The following LAMC1 variants were observed in gnomAD, a reference collection of about 807,000 sequenced individuals.
LAMC1 encodes the protein laminin subunit gamma-1.
LAMC1 carries 38 observed loss-of-function variants against 173.6 expected under a neutral mutation model. The observed-to-expected ratio is 0.22, with a 90% CI of 0.17 to 0.29. LAMC1 has a LOEUF of 0.29. LAMC1 is among the 10% of genes least tolerant of loss of function. LAMC1 has a pLI of 1.00. For synonymous variants in LAMC1, 746 were observed against 749.1 expected, an observed-to-expected ratio of 1.00 and a Z score of 0.07; for missense variants, 1,824 against 2,051.8, an observed-to-expected ratio of 0.89 and a Z score of 2.14.
At position 183,122,137 on chromosome 1, in the gene LAMC1, A is replaced by G. The variant is rs1206416801; in HGVS notation, c.2287A>G (p.Thr763Ala). The change falls in exon 13 of 28, where the codon ACT (threonine) becomes GCT (alanine). Residue 763 changes from threonine (T) to alanine (A), a missense_variant. By Grantham distance (58) the Thr-to-Ala change is moderately conservative. Coordinates refer to ENST00000258341, the MANE Select transcript of LAMC1 (RefSeq NM_002293.4). ...CAGTGATGGGTACTATGGAGATTCA[A>G]CTGCAGGCACCTCCTCCGATTGCCA... ...KCSDGYYGDS[T>A]AGTSSDCQPC... The G allele has an allele frequency of 6.2e-7, 1 of 1,614,068 alleles. No individual in the cohort carries two copies. The highest frequency in any genetic ancestry group is 8.5e-7 in the Non-Finnish European group (1 of 1,180,038).
intron 1 of LAMC1, among the ~76,000 whole-genome samples, chr1:183,052,902 C>G (rs1018478230): frequency 6.6e-6 from 1 of 152,102 alleles, no homozygotes; most frequent in East Asian, 1.9e-4. Flanking sequence ...CTAATGTTCT[C>G]TAGGATTGAT....
intron 1 of LAMC1, among the ~76,000 whole-genome samples, chr1:183,041,117 G>A (rs756061378): frequency 5.3e-5 from 8 of 152,118 alleles, no homozygotes; most frequent in Non-Finnish European, 1.0e-4. Flanking sequence ...GTCAAAGAAG[G>A]GGGAGCTCTG....
chr1:183,079,745 A>T (rs540031882), intron 1 of LAMC1, among the ~76,000 whole-genome samples: 17 of 152,348 alleles, frequency 1.1e-4, no homozygotes, highest in African/African-American at 3.8e-4. Flanking sequence ...CTAGAACCTA[A>T]TCAGCATTTA....
Position 183,110,561 on chromosome 1 carries a change from A to T in LAMC1, c.928A>T (p.Asn310Tyr), listed in dbSNP as rs1431871407. 1 of 1,613,626 alleles carries T rather than the reference A, an allele frequency of 6.2e-7. No individual in the cohort carries two copies. Among genetic ancestry groups the T allele is most frequent in the Admixed American group, 1.7e-5 (1 of 60,016 alleles). ...TAAGCTGGTGTGTAATTGCAAACAT[A>T]ACACATATGGAGTAGACTGTGAAAA... Reference protein sequence around the residue: ...FDKLVCNCKHNTYGVDCEKCL... With the variant: ...FDKLVCNCKHYTYGVDCEKCL... Residue 310 changes from asparagine to tyrosine, a missense_variant, in exon 4 of 28, where the codon AAC becomes TAC. Physicochemically the swap from Asn to Tyr is moderately radical, Grantham distance 143 (BLOSUM62 -2). Transcript: ENST00000258341.
At chr1:183,052,318 T>C (rs1173588805) in intron 1 of LAMC1, among the ~76,000 whole-genome samples, 4 of 152,064 alleles carry the variant, frequency 2.6e-5, no homozygotes, top group African/African-American at 7.2e-5. Flanking sequence ...GGCTAATCTA[T>C]CTATCTTTCT....
In LAMC1 at chr1:183,137,604, G is replaced by A. The variant is rs10797854; in HGVS notation, c.4315-65G>A. The A allele has an allele frequency of 0.56, 539,338 of 966,118 alleles. 153,952 individuals are homozygous for A. Among genetic ancestry groups the A allele is most frequent in the South Asian group, 0.65 (28,508 of 44,136 alleles). 59.8% of individuals were successfully genotyped at this position (966,118 alleles called of 1,614,324 possible). A position where few individuals can be genotyped will look rare whatever the true frequency, so the allele number is the denominator to read the frequency against. On this transcript the variant is annotated intron_variant, in intron 25 of 27. Coordinates refer to ENST00000258341, the MANE Select transcript of LAMC1 (RefSeq NM_002293.4). ...AGACATTTTATAAATTATAAAAGGA[G>A]CGGGAGCATACTTGAGAAAAAGGAA...
chr1:183,140,986 G>T (rs1657097032), intron 27 of LAMC1: 1 of 152,244 alleles, frequency 6.6e-6, no homozygotes, highest in Admixed American at 6.5e-5. Context: ...GGGATTTAAA[G>T]TAAAGGATTT....
chr1:183,114,413 T>G (rs16860208), intron 4 of LAMC1, 118 bp from the exon 5 acceptor site: 1 of 1,007,080 alleles, frequency 9.9e-7, no homozygotes, highest in Non-Finnish European at 1.6e-6. Flanking sequence ...TAATCATTCT[T>G]AGTCTACCAC....
chr1:183,037,514 T>C (rs761181453), intron 1 of LAMC1, among the ~76,000 whole-genome samples: 1 of 152,242 alleles, frequency 6.6e-6, no homozygotes, highest in African/African-American at 2.4e-5. Flanking sequence ...TTTTGTTAAT[T>C]GATGAATAGC....
At chr1:183,130,072 A>G (rs934904725) in intron 18 of LAMC1, among the ~76,000 whole-genome samples, 3 of 152,160 alleles carry the variant, frequency 2.0e-5, no homozygotes, top group Non-Finnish European at 2.9e-5. Context: ...CTCTTTGCCA[A>G]CCACTGCATA....
At chr1:183,139,183 A>C (rs1227135118) in intron 26 of LAMC1, among the ~76,000 whole-genome samples, 1 of 152,222 alleles carries the variant, frequency 6.6e-6, no homozygotes, top group Non-Finnish European at 1.5e-5. Context: ...TAGGAGCTTC[A>C]AAAAAGGGTT....
intron 22 of LAMC1, 118 bp from the exon 23 acceptor site, chr1:183,134,542 C>T: frequency 1.4e-6 from 1 of 715,848 alleles, no homozygotes; most frequent in Non-Finnish European, 2.2e-6. Context: ...AAATCTTGAT[C>T]TGTGCAGTTC....
intron 1 of LAMC1, among the ~76,000 whole-genome samples, chr1:183,052,072 T>TA (rs1209786056): frequency 6.6e-6 from 1 of 152,188 alleles, no homozygotes; most frequent in Non-Finnish European, 1.5e-5. Flanking sequence ...TTCCTTTTGT[T>TA]ACCTGTCAAA....
chr1:183,129,838 A>G (rs763415908), intron 18 of LAMC1, among the ~76,000 whole-genome samples: 142 of 152,322 alleles, frequency 9.3e-4, no homozygotes, highest in Middle Eastern at 6.8e-3. Flanking sequence ...ATATGCTGGC[A>G]CATGGGGGTG....
chr1:183,048,876 G>A (rs1371242080), intron 1 of LAMC1, among the ~76,000 whole-genome samples: 2 of 152,104 alleles, frequency 1.3e-5, no homozygotes, highest in African/African-American at 4.8e-5. Context: ...GGAAGCCAAA[G>A]CCCTCTCGAA....
chr1:183,134,850 A>G lies in LAMC1; in HGVS notation c.3999+41A>G, dbSNP rs377655595. 2.1e-5 allele frequency: 34 copies of G among 1,597,558 alleles called. No homozygotes were observed. In the African/African-American group the frequency reaches 4.2e-4, roughly 20 times the overall value. On this transcript the variant is annotated intron_variant, in intron 23 of 27. Transcript: ENST00000258341. ...AGGTCGCTTCATTTCTTGAGGCAAC[A>G]TTTGAACAGTCCAAATGGGTCTGTG...
Position 183,142,885 on chromosome 1 carries a change from C to G in LAMC1, c.*95C>G, listed in dbSNP as rs1657155063. 2 of 1,284,182 alleles carry G rather than the reference C, an allele frequency of 1.6e-6. No individual in the cohort carries two copies. Among genetic ancestry groups the G allele is most frequent in the South Asian group, 1.4e-5 (1 of 68,998 alleles). 79.5% of individuals were successfully genotyped at this position (1,284,182 alleles called of 1,614,324 possible). A position where few individuals can be genotyped will look rare whatever the true frequency, so the allele number is the denominator to read the frequency against. ...ACAAAGATTACATTTTTCAGACCCCCACTCCTCTGCTGCTGTCCATGACTG... is the reference window on the plus strand; with the variant it reads ...ACAAAGATTACATTTTTCAGACCCCGACTCCTCTGCTGCTGTCCATGACTG... On this transcript the variant is annotated 3_prime_UTR_variant, in exon 28 of 28. Transcript: ENST00000258341.
chr1:183,027,285 C>A (rs200185352), intron 1 of LAMC1, among the ~76,000 whole-genome samples: 1 of 109,002 alleles, frequency 9.2e-6, no homozygotes, highest in Non-Finnish European at 2.1e-5. Context: ...TCTCCACCAG[C>A]CACTTTTCTA....
At chr1:183,098,786 CCAGA>C (rs559315878) in intron 1 of LAMC1, among the ~76,000 whole-genome samples, 25 of 152,278 alleles carry the variant, frequency 1.6e-4, no homozygotes, top group Admixed American at 1.3e-3. Flanking sequence ...GCATATGCAC[CCAGA>C]CAGAGAGCAA....
Sources: gnomAD v4.1 joint callset for allele counts (sites outside exome capture counted in the v4.1 genomes callset) on GRCh38, gnomAD v4.1.1 for gene constraint, MANE v1.5 for transcripts, NCBI Gene and HGNC (gene_info 2026-07-23, HGNC 2026-07-21) for gene names.